Variants in SIDT2 observed in about 807,000 individuals in gnomAD.
SIDT2 encodes SID1 transmembrane family member 2, also known as SID1 transmembrane family, member 2.
SIDT2 carries 68 observed loss-of-function variants against 114.4 expected under a neutral mutation model. The observed-to-expected ratio is 0.59, with a 90% confidence interval of 0.49 to 0.73. The LOEUF is 0.73. SIDT2 is among the 30% of genes least tolerant of loss of function. The pLI is 0.00. For synonymous variants in SIDT2, 470 were observed against 438.4 expected (o/e 1.07, Z -0.90); for missense variants, 918 against 1,097.1 (o/e 0.84, Z 2.31).
At chr11:117,184,325 TG>T (rs1040077903) in intron 8 of SIDT2, among the ~76,000 whole-genome samples, 186 bp downstream of exon 8, 3 of 152,182 alleles carry the variant, frequency 2.0e-5, no homozygotes, top group Non-Finnish European at 4.4e-5. Flanking sequence ...CAGTGTGATG[TG>T]GTACAGAGAG....
chr11:117,179,899 C>T (rs1295101464), intron 1 of SIDT2: 1 of 153,842 alleles, frequency 6.5e-6, no homozygotes, highest in African/African-American at 2.4e-5. Flanking sequence ...GAATGCAGGG[C>T]TTCCCAGCCC....
At chr11:117,187,335 C>G (rs2030535455) in intron 10 of SIDT2, 43 bp from the exon 11 acceptor site, 4 of 1,581,648 alleles carry the variant, frequency 2.5e-6, no homozygotes, top group Non-Finnish European at 3.5e-6. Flanking sequence ...CTCTAGGCCT[C>G]TCTCTTCGTC....
intron 10 of SIDT2, among the ~76,000 whole-genome samples, 182 bp downstream of exon 10, chr11:117,186,818 C>T (rs1414415263): frequency 6.6e-6 from 1 of 152,078 alleles, no homozygotes; most frequent in Non-Finnish European, 1.5e-5. Context: ...CCCTAACATG[C>T]ACACCTCAGA....
At chr11:117,187,606 C>T (rs765618151) in intron 11 of SIDT2, 22 bp from the exon 12 acceptor site, 2 of 1,613,794 alleles carry the variant, frequency 1.2e-6, no homozygotes, top group South Asian at 1.1e-5. Flanking sequence ...CTTCCTGCCT[C>T]ACCACTGATC....
chr11:117,184,203 G>A, intron 8 of SIDT2, 64 bp downstream of exon 8: 3 of 1,519,484 alleles, frequency 2.0e-6, no homozygotes, highest in Non-Finnish European at 2.7e-6. Flanking sequence ...TTCAGACCTG[G>A]GATATAGGGT....
At chr11:117,184,685 A>C (rs1237060843) in intron 8 of SIDT2, among the ~76,000 whole-genome samples, 5 of 152,142 alleles carry the variant, frequency 3.3e-5, no homozygotes, top group Non-Finnish European at 7.4e-5. Context: ...TGAATGATTA[A>C]ATGGGGCCCT....
At chr11:117,183,492 G>A (rs931170252) in intron 6 of SIDT2, among the ~76,000 whole-genome samples, 1 of 152,128 alleles carries the variant, frequency 6.6e-6, no homozygotes, top group African/African-American at 2.4e-5. Flanking sequence ...ATAAAAATTA[G>A]CTGGGCGTGG....
chr11:117,188,077 C>T lies in SIDT2; in HGVS notation c.1159+378C>T, dbSNP rs902478934. 8.8e-6 allele frequency: 4 copies of T among 455,422 alleles called. No individual in the cohort carries two copies. The highest frequency in any genetic ancestry group is 3.4e-5 in the South Asian group (2 of 58,364). The allele number at this position is 455,422 out of a possible 1,614,324, so 28.2% of individuals were successfully genotyped here. A position where few individuals can be genotyped will look rare whatever the true frequency, so the allele number is the denominator to read the frequency against. ...CTTCCCCATGTAATTCCAGTAATTG[C>T]CCGCTCTTGTGTCTTCTGAGATAGC... On this transcript the variant is annotated intron_variant, in intron 12 of 25. Coordinates refer to ENST00000324225, the MANE Select transcript of SIDT2 (RefSeq NM_001040455.2). The surrounding 1 kb of genome is among the most constrained non-coding windows in gnomAD (Gnocchi z 4.0).
intron 24 of SIDT2, 24 bp from the exon 25 acceptor site, chr11:117,195,778 C>A (rs766873595): frequency 1.2e-6 from 2 of 1,613,368 alleles, no homozygotes; most frequent in South Asian, 2.2e-5. Context: ...GGTCATTCGG[C>A]AGTTTTTCTT....
chr11:117,187,596 C>A, intron 11 of SIDT2, 32 bp from the exon 12 acceptor site: 2 of 1,613,122 alleles, frequency 1.2e-6, no homozygotes, highest in Non-Finnish European at 1.7e-6. Flanking sequence ...GCGGCCTCTC[C>A]TTCCTGCCTC....
At chr11:117,184,007 G>T in intron 7 of SIDT2, 67 bp from the exon 8 acceptor site, 1 of 1,583,962 alleles carries the variant, frequency 6.3e-7, no homozygotes, top group Non-Finnish European at 8.7e-7. Context: ...TCTCTCAAAG[G>T]CCTGATCCCA....
At position 117,189,563 on chromosome 11, in the gene SIDT2, C is replaced by G. The variant is rs944253847; in HGVS notation, c.1419+162C>G. 11 of 711,918 alleles carry G rather than the reference C, an allele frequency of 1.5e-5. 1 individual carries two copies. Among genetic ancestry groups the G allele is most frequent in the South Asian group, 1.9e-5 (1 of 53,204 alleles). 44.1% of individuals were successfully genotyped at this position (711,918 alleles called of 1,614,324 possible). A position where few individuals can be genotyped will look rare whatever the true frequency, so the allele number is the denominator to read the frequency against. On this transcript the variant is annotated intron_variant, in intron 15 of 25. Coordinates refer to ENST00000324225, the MANE Select transcript of SIDT2 (RefSeq NM_001040455.2). ...ACCCAGGGCAAATCACATAACCCCC[C>G]CAACCCTGAGTGTCAGTTTCTTCAT...
chr11:117,191,909 C>G lies in SIDT2; in HGVS notation c.1767C>G (p.Leu589=), dbSNP rs1287056400. The G allele has an allele frequency of 1.9e-6, 3 of 1,614,148 alleles. No homozygotes were observed. Among genetic ancestry groups the G allele is most frequent in the Non-Finnish European group, 2.5e-6 (3 of 1,180,038 alleles). Residue 589 remains leucine, a synonymous_variant, in exon 19 of 26, where the codon CTC becomes CTG. Transcript: ENST00000324225. ...CGTTCATGTACATGATCGCCGGACTCTGCATGCTGAAGCTCTACCAGAAGC... is the reference window on the plus strand; with the variant it reads ...CGTTCATGTACATGATCGCCGGACTGTGCATGCTGAAGCTCTACCAGAAGC... ...DTSFMYMIAG[L]CMLKLYQKRH... is the part of the protein sequence containing the mutation.
chr11:117,184,344 C>G (rs1377440893), intron 8 of SIDT2, among the ~76,000 whole-genome samples: 1 of 152,122 alleles, frequency 6.6e-6, no homozygotes, highest in Non-Finnish European at 1.5e-5. Context: ...GAGTTCATGA[C>G]TAAAGATGGA....
At chr11:117,191,094 G>A in intron 18 of SIDT2, 1 of 166,044 alleles carries the variant, frequency 6.0e-6, no homozygotes, top group Non-Finnish European at 1.3e-5. Flanking sequence ...TGGCTAACAT[G>A]GTGAAACCCC....
In SIDT2 at chr11:117,197,189, G is replaced by GCATCCTGGC. The variant is rs2030921922; in HGVS notation, c.*1125_*1126insTCCTGGCCA. Reference sequence around the variant, plus strand: ...TTACAAAGAATTGCCCCAGCTCTGGGCACCCTGGCCACCCTGGTCCTTGGA... The same window carrying GCATCCTGGC: ...TTACAAAGAATTGCCCCAGCTCTGGGCATCCTGGCCACCCTGGCCACCCTGGTCCTTGGA... On this transcript the variant is annotated 3_prime_UTR_variant, in exon 26 of 26. Coordinates refer to ENST00000324225, the MANE Select transcript of SIDT2 (RefSeq NM_001040455.2). The GCATCCTGGC allele has an allele frequency of 6.6e-6, 1 of 152,500 alleles. No homozygotes were observed. The highest frequency in any genetic ancestry group is 1.5e-5 in the Non-Finnish European group (1 of 68,138). The allele number at this position is 152,500 out of a possible 1,614,324, so 9.4% of individuals were successfully genotyped here.
chr11:117,189,309 C>T (rs1171252632), intron 14 of SIDT2, 26 bp from the exon 15 acceptor site: 5 of 1,614,088 alleles, frequency 3.1e-6, no homozygotes, highest in Non-Finnish European at 4.2e-6. Flanking sequence ...TGCCACCCAC[C>T]TCACTGCCGC....
intron 6 of SIDT2, 145 bp downstream of exon 6, chr11:117,182,951 C>G: frequency 2.3e-6 from 2 of 854,172 alleles, no homozygotes; most frequent in Non-Finnish European, 3.6e-6. Context: ...CTTTGAGTCC[C>G]CTGATATATA....
At chr11:117,187,827 C>T in intron 12 of SIDT2, 128 bp downstream of exon 12, 1 of 847,396 alleles carries the variant, frequency 1.2e-6, no homozygotes, top group Non-Finnish European at 2.0e-6. Context: ...CTTCCTAACC[C>T]CTCTCTTCCC....
Sources: allele counts gnomAD v4.1 joint callset (sites outside exome capture counted in the v4.1 genomes callset), GRCh38; gene constraint gnomAD v4.1.1; non-coding constraint Gnocchi (gnomAD v3.1); transcripts MANE v1.5; gene names NCBI Gene and HGNC (gene_info 2026-07-23, HGNC 2026-07-21).